The following MBNL2 variants were observed in gnomAD, a reference collection of about 807,000 sequenced individuals.
MBNL2 encodes muscleblind-like protein 2.
Under a neutral mutation model 41.9 loss-of-function variants are expected in MBNL2, and 17 were observed. The observed-to-expected ratio is 0.41, with a 90% CI of 0.28 to 0.61. The LOEUF (loss-of-function observed/expected upper bound fraction) is 0.61, where lower values mean the gene tolerates loss of function less well. Ranked by LOEUF, MBNL2 falls within the 20% of genes least tolerant of loss-of-function variation. MBNL2 has a pLI of 0.35. For missense variants in MBNL2, 336 were observed against 505.6 expected (o/e 0.66, Z 3.22); for synonymous variants, 195 against 182.9 (o/e 1.07, Z -0.53).
Position 97,346,609 on chromosome 13 carries a change from G to A in MBNL2, c.541-195G>A, listed in dbSNP as rs996482589. 1.8e-4 allele frequency among the ~76,000 whole-genome samples: 27 copies of A among 152,152 alleles called. No individual in the cohort carries two copies. Among genetic ancestry groups the A allele is most frequent in the South Asian group, 2.1e-4 (1 of 4,824 alleles). On this transcript the variant is annotated intron_variant, in intron 4 of 8. Transcript: ENST00000679496. This position sits in a 1 kb window ranked among gnomAD's most constrained non-coding sequence, Gnocchi z 4.2. ...TATAGATTTTCACCCTAGAAAAGGCGGTAAAACAAAACTCAAATGACTGTG... is the reference window on the plus strand; with the variant it reads ...TATAGATTTTCACCCTAGAAAAGGCAGTAAAACAAAACTCAAATGACTGTG...
intron 5 of MBNL2, among the ~76,000 whole-genome samples, chr13:97,356,423 T>G (rs1431722457): frequency 2.9e-5 from 1 of 34,050 alleles, no homozygotes; most frequent in African/African-American, 1.7e-3. Flanking sequence ...AAATTTTGCA[T>G]TTTTTTTTCT....
At chr13:97,375,305 G>A (rs1002828957) in intron 8 of MBNL2, among the ~76,000 whole-genome samples, 7 of 152,298 alleles carry the variant, frequency 4.6e-5, no homozygotes, top group African/African-American at 9.6e-5. Context: ...AAATGCTAAC[G>A]ATACTTAAGA....
chr13:97,388,260 C>T (rs1594303124), intron 8 of MBNL2, among the ~76,000 whole-genome samples: 1 of 150,594 alleles, frequency 6.6e-6, no homozygotes, highest in East Asian at 1.9e-4. Context: ...TTTTGATCCT[C>T]CTGGCCACAA....
chr13:97,200,969 T>C, the MBNL2 span, among the ~76,000 whole-genome samples: 1 of 152,282 alleles, frequency 6.6e-6, no homozygotes, highest in South Asian at 2.1e-4. Flanking sequence ...TCATTTCTCA[T>C]CAACTATCTT....
At chr13:97,368,364 T>C (rs1336402916) in intron 8 of MBNL2, among the ~76,000 whole-genome samples, 1 of 149,126 alleles carries the variant, frequency 6.7e-6, no homozygotes, top group Non-Finnish European at 1.5e-5. Flanking sequence ...CAGTGAGCCA[T>C]GATCATGCCA....
chr13:97,182,355 A>G, the MBNL2 span, among the ~76,000 whole-genome samples: 4 of 152,254 alleles, frequency 2.6e-5, no homozygotes, highest in Non-Finnish European at 5.9e-5. Flanking sequence ...GGTGACAGAT[A>G]ACAGAACTAA....
chr13:97,299,737 G>A (rs540728041), intron 2 of MBNL2, among the ~76,000 whole-genome samples: 6 of 151,320 alleles, frequency 4.0e-5, no homozygotes, highest in Non-Finnish European at 5.9e-5. Context: ...TCTTCAAAAC[G>A]TATTACTTAG....
chr13:97,246,309 A>C (rs74107602), intron 1 of MBNL2, among the ~76,000 whole-genome samples: 1 of 148,482 alleles, frequency 6.7e-6, no homozygotes, highest in African/African-American at 2.6e-5. Flanking sequence ...ACACACACAC[A>C]CCTATTTATG....
chr13:97,277,029 A>G (rs2052305940), intron 2 of MBNL2, among the ~76,000 whole-genome samples: 1 of 152,154 alleles, frequency 6.6e-6, no homozygotes, highest in Non-Finnish European at 1.5e-5. Context: ...GCAAGTATCT[A>G]CAATGCAAGA....
At chr13:97,209,938 G>C in the MBNL2 span, among the ~76,000 whole-genome samples, 1 of 152,186 alleles carries the variant, frequency 6.6e-6, no homozygotes, top group African/African-American at 2.4e-5. Flanking sequence ...TGGGATTACA[G>C]GTGTGCATCA....
At chr13:97,236,564 T>A (rs1333886318) in intron 1 of MBNL2, among the ~76,000 whole-genome samples, 1 of 152,062 alleles carries the variant, frequency 6.6e-6, no homozygotes, top group East Asian at 1.9e-4. Flanking sequence ...GCTGGCTACC[T>A]TGTACTTTGT....
intron 1 of MBNL2, among the ~76,000 whole-genome samples, chr13:97,253,024 A>T (rs1386273741): frequency 6.6e-6 from 1 of 152,192 alleles, no homozygotes; most frequent in Non-Finnish European, 1.5e-5. Context: ...GGGAATTTTA[A>T]ACTAATTATA....
chr13:97,297,948 A>G (rs1364037372), intron 2 of MBNL2, among the ~76,000 whole-genome samples: 2 of 114,294 alleles, frequency 1.7e-5, no homozygotes, highest in Non-Finnish European at 4.4e-5. Flanking sequence ...GCAAGCACAT[A>G]TAGAAAATAA....
chr13:97,194,116 A>G, the MBNL2 span, among the ~76,000 whole-genome samples: 1 of 152,230 alleles, frequency 6.6e-6, no homozygotes, highest in Non-Finnish European at 1.5e-5. Context: ...TACCACTCAA[A>G]GTCTTCCCAT....
intron 5 of MBNL2, among the ~76,000 whole-genome samples, chr13:97,356,397 A>T (rs980272168): frequency 6.9e-6 from 1 of 145,110 alleles, no homozygotes; most frequent in Non-Finnish European, 1.5e-5. Flanking sequence ...AAGTTCTTCG[A>T]TCCTATGGCC....
the MBNL2 span, among the ~76,000 whole-genome samples, chr13:97,204,705 G>T: frequency 1.3e-5 from 2 of 152,100 alleles, no homozygotes; most frequent in East Asian, 1.9e-4. Flanking sequence ...CAGGGAGTGG[G>T]TTGCGGCCCA....
the MBNL2 span, among the ~76,000 whole-genome samples, chr13:97,206,842 G>A: frequency 6.6e-6 from 1 of 152,196 alleles, no homozygotes; most frequent in Admixed American, 6.5e-5. Flanking sequence ...AGAATGGCAT[G>A]GGGTTCAAAG....
chr13:97,360,063 T>G (rs1444848610), intron 7 of MBNL2, among the ~76,000 whole-genome samples: 1 of 152,240 alleles, frequency 6.6e-6, no homozygotes, highest in Non-Finnish European at 1.5e-5. Context: ...GTTTGAAACC[T>G]CTGCAAATCA....
chr13:97,380,393 C>T (rs143216355), intron 8 of MBNL2, among the ~76,000 whole-genome samples: 1,661 of 152,026 alleles, frequency 0.011, 10 homozygotes, highest in Middle Eastern at 0.024. Context: ...ACTCGGGAGG[C>T]TGAGACAGGA....
Sources: gnomAD v4.1 joint callset for allele counts (sites outside exome capture counted in the v4.1 genomes callset) on GRCh38, gnomAD v4.1.1 for gene constraint, Gnocchi (gnomAD v3.1) non-coding constraint, MANE v1.5 for transcripts, NCBI Gene and HGNC (gene_info 2026-07-23, HGNC 2026-07-21) for gene names.